Variants in PRIM2 observed in about 807,000 individuals in gnomAD.
PRIM2 encodes DNA primase large subunit.
Under a neutral mutation model 67.3 loss-of-function variants are expected in PRIM2, and 39 were observed. The ratio of observed to expected loss-of-function variants is 0.58; its 90% CI spans 0.45 to 0.76. PRIM2 has a LOEUF of 0.76. Among genes scored for constraint, PRIM2 ranks in the 30% least tolerant of loss-of-function variants. The pLI, the probability that PRIM2 is intolerant of heterozygous loss-of-function variation, is 0.00. For missense variants in PRIM2, 398 were observed against 598.7 expected (o/e 0.66, Z 3.50); for synonymous variants, 143 against 198.7 (o/e 0.72, Z 2.36).
the PRIM2 span, among the ~76,000 whole-genome samples, chr6:57,287,015 C>A: frequency 6.6e-5 from 10 of 152,326 alleles, no homozygotes; most frequent in Non-Finnish European, 4.4e-5. Flanking sequence ...AAAAGCTCAT[C>A]ATCACTGGCC....
intron 8 of PRIM2, among the ~76,000 whole-genome samples, chr6:57,519,408 G>A: frequency 6.6e-6 from 1 of 152,228 alleles, no homozygotes; most frequent in Non-Finnish European, 1.5e-5. Flanking sequence ...GCCCAGGGGG[G>A]CCGTTCATAG....
At chr6:57,417,603 A>G (rs1251202517) in intron 7 of PRIM2, among the ~76,000 whole-genome samples, 1 of 152,144 alleles carries the variant, frequency 6.6e-6, no homozygotes, top group Non-Finnish European at 1.5e-5. Context: ...GACACACAAT[A>G]TTTCCTGATG....
chr6:57,630,231 T>C (rs1174553493), intron 12 of PRIM2, among the ~76,000 whole-genome samples: 1 of 152,200 alleles, frequency 6.6e-6, no homozygotes, highest in East Asian at 1.9e-4. Context: ...TGATCATAGT[T>C]GAATGACTTG....
chr6:57,638,253 C>A (rs1777158577), intron 13 of PRIM2, among the ~76,000 whole-genome samples: 1 of 152,042 alleles, frequency 6.6e-6, no homozygotes, highest in African/African-American at 2.4e-5. Context: ...AATGGAGGCA[C>A]TAAATATGGA....
chr6:57,248,545 T>G, the PRIM2 span, among the ~76,000 whole-genome samples: 1 of 152,198 alleles, frequency 6.6e-6, no homozygotes, highest in Non-Finnish European at 1.5e-5. Flanking sequence ...CTTAAGAGCA[T>G]AGGTAACAGA....
intron 7 of PRIM2, among the ~76,000 whole-genome samples, chr6:57,436,801 AT>A (rs1772027542): frequency 6.6e-6 from 1 of 152,162 alleles, no homozygotes; most frequent in Non-Finnish European, 1.5e-5. Context: ...TCTCATGGGT[AT>A]GTACACACTT....
chr6:57,471,701 A>C (rs1773340496), intron 7 of PRIM2, among the ~76,000 whole-genome samples: 1 of 152,194 alleles, frequency 6.6e-6, no homozygotes, highest in Non-Finnish European at 1.5e-5. Context: ...ACAATGAATG[A>C]TTTGCATCTT....
At chr6:57,311,708 G>A (rs1350778341), upstream of PRIM2, among the ~76,000 whole-genome samples, 6 of 152,078 alleles carry the variant, frequency 3.9e-5, no homozygotes, top group East Asian at 1.2e-3. Flanking sequence ...AGCGAGCCGA[G>A]ATCAAGCCAC....
chr6:57,501,637 G>T (rs1774134131), intron 7 of PRIM2, among the ~76,000 whole-genome samples: 1 of 152,108 alleles, frequency 6.6e-6, no homozygotes, highest in African/African-American at 2.4e-5. Flanking sequence ...TCCTTTTTAT[G>T]TGGGGTGTTT....
At chr6:57,342,845 G>C (rs1432128874) in intron 5 of PRIM2, among the ~76,000 whole-genome samples, 1 of 152,176 alleles carries the variant, frequency 6.6e-6, no homozygotes, top group Admixed American at 6.6e-5. Context: ...GTAAAACTTT[G>C]AATTACTTCT....
intron 13 of PRIM2, among the ~76,000 whole-genome samples, chr6:57,643,660 T>C (rs1777285606): frequency 1.3e-5 from 2 of 152,332 alleles, no homozygotes; most frequent in East Asian, 3.9e-4. Flanking sequence ...TTTTAATGAA[T>C]TGGGTGAAAA....
chr6:57,399,726 C>T (rs1458888517), intron 7 of PRIM2, among the ~76,000 whole-genome samples: 4 of 151,874 alleles, frequency 2.6e-5, no homozygotes, highest in Admixed American at 6.6e-5. Flanking sequence ...TTTTAATGAT[C>T]GCCATTCTAA....
chr6:57,471,363 A>G (rs1203920011), intron 7 of PRIM2, among the ~76,000 whole-genome samples: 6 of 152,244 alleles, frequency 3.9e-5, no homozygotes, highest in African/African-American at 1.4e-4. Context: ...AAGGAAGAGG[A>G]GATTGAGGAG....
chr6:57,391,569 A>G (rs192425724), intron 7 of PRIM2, among the ~76,000 whole-genome samples: 429 of 152,232 alleles, frequency 2.8e-3, no homozygotes, highest in Admixed American at 4.7e-3. Flanking sequence ...TCCAGCTTCA[A>G]TCTTCTGCAT....
chr6:57,608,662 A>G (rs1468038949), intron 12 of PRIM2, among the ~76,000 whole-genome samples: 83,800 of 150,194 alleles, frequency 0.56, 24,564 homozygotes, highest in African/African-American at 0.74. Context: ...CCAGGAAGCC[A>G]TGATCATGCC....
At chr6:57,234,855 T>C in the PRIM2 span, among the ~76,000 whole-genome samples, 1 of 152,162 alleles carries the variant, frequency 6.6e-6, no homozygotes, top group Non-Finnish European at 1.5e-5. Context: ...TGGAAATGAC[T>C]GAAGTTTATC....
At chr6:57,312,055 GGAGAGGGGA>G (rs1562687183), upstream of PRIM2, among the ~76,000 whole-genome samples, 1 of 39,352 alleles carries the variant, frequency 2.5e-5, no homozygotes, top group Non-Finnish European at 4.5e-5. Context: ...AGGGGAGAGG[GGAGAGGGGA>G]GAGGGGGGAG....
chr6:57,423,291 A>C (rs573021520), intron 7 of PRIM2, among the ~76,000 whole-genome samples: 1 of 152,198 alleles, frequency 6.6e-6, no homozygotes, highest in African/African-American at 2.4e-5. Flanking sequence ...AGTTCCTTTA[A>C]TTTTCCATTA....
the PRIM2 span, among the ~76,000 whole-genome samples, chr6:57,229,622 G>A: frequency 6.6e-6 from 1 of 151,912 alleles, no homozygotes; most frequent in Non-Finnish European, 1.5e-5. Flanking sequence ...CGGGTAGCTG[G>A]GATTACAGGC....
Sources: gnomAD v4.1 joint callset for allele counts (sites outside exome capture counted in the v4.1 genomes callset) on GRCh38, gnomAD v4.1.1 for gene constraint, MANE v1.5 for transcripts, NCBI Gene and HGNC (gene_info 2026-07-23, HGNC 2026-07-21) for gene names.